Variants in KCND2 observed in about 807,000 individuals in gnomAD.
KCND2 encodes A-type voltage-gated potassium channel KCND2.
A neutral mutation model predicts 54.4 loss-of-function variants in KCND2; 16 were observed. The observed-to-expected ratio is 0.29, with a 90% CI of 0.20 to 0.45. The LOEUF is 0.45. Ranked by LOEUF, KCND2 falls within the 20% of genes least tolerant of loss-of-function variation. The pLI, the probability that KCND2 is intolerant of heterozygous loss-of-function variation, is 1.00. For synonymous variants in KCND2, 317 were observed against 310.7 expected (o/e 1.02, Z -0.21); for missense variants, 486 against 824.2 (o/e 0.59, Z 5.02).
intron 1 of KCND2, among the ~76,000 whole-genome samples, chr7:120,390,816 T>G (rs192923188): frequency 8.0e-4 from 122 of 152,216 alleles, no homozygotes; most frequent in Non-Finnish European, 1.3e-3. Flanking sequence ...AAGATATGTT[T>G]CTTCCCTATG....
intron 1 of KCND2, among the ~76,000 whole-genome samples, chr7:120,430,257 G>A (rs968582098): frequency 3.3e-5 from 5 of 151,966 alleles, no homozygotes; most frequent in African/African-American, 7.3e-5. Context: ...TTTTCTCTTC[G>A]TGTGCCTCCC....
intron 1 of KCND2, among the ~76,000 whole-genome samples, chr7:120,536,485 AT>A (rs1397086389): frequency 6.6e-6 from 1 of 152,192 alleles, no homozygotes; most frequent in Non-Finnish European, 1.5e-5. Context: ...GTTTGATAGT[AT>A]TTTACCAAGA....
intron 1 of KCND2, among the ~76,000 whole-genome samples, chr7:120,448,369 T>G (rs1351971754): frequency 2.6e-5 from 4 of 152,226 alleles, no homozygotes; most frequent in African/African-American, 9.7e-5. Flanking sequence ...TCATCCTTTT[T>G]TATGGCTGCA....
intron 1 of KCND2, among the ~76,000 whole-genome samples, chr7:120,568,095 TTAAA>T (rs1049145300): frequency 3.9e-5 from 6 of 152,172 alleles, no homozygotes; most frequent in African/African-American, 7.2e-5. Flanking sequence ...TCAAGAACAC[TTAAA>T]TAAGCCTTTT....
intron 1 of KCND2, among the ~76,000 whole-genome samples, chr7:120,489,382 A>AT (rs553858891): frequency 6.7e-6 from 1 of 149,086 alleles, no homozygotes; most frequent in Admixed American, 6.7e-5. Flanking sequence ...TAGAAAATAT[A>AT]TTTTTTGATT....
intron 1 of KCND2, among the ~76,000 whole-genome samples, chr7:120,546,345 G>C (rs1035475042): frequency 6.6e-6 from 1 of 151,862 alleles, no homozygotes; most frequent in African/African-American, 2.4e-5. Flanking sequence ...TTGAATTTCA[G>C]CAAAGGGATC....
chr7:120,491,286 A>G (rs185104195), intron 1 of KCND2, among the ~76,000 whole-genome samples: 1 of 152,268 alleles, frequency 6.6e-6, no homozygotes. Flanking sequence ...ATTTAAGTGT[A>G]TTAATTAATT....
At chr7:120,710,487 T>G (rs1792524014) in intron 1 of KCND2, among the ~76,000 whole-genome samples, 1 of 152,158 alleles carries the variant, frequency 6.6e-6, no homozygotes, top group African/African-American at 2.4e-5. Flanking sequence ...TCAGCCTGTT[T>G]TGAAGAATGA....
intron 1 of KCND2, among the ~76,000 whole-genome samples, chr7:120,614,458 A>G (rs946425680): frequency 3.3e-5 from 5 of 152,222 alleles, no homozygotes; most frequent in Non-Finnish European, 7.4e-5. Context: ...TGGAACTGAA[A>G]ATCCACCTCA....
At chr7:120,491,478 G>A (rs967391385) in intron 1 of KCND2, among the ~76,000 whole-genome samples, 2 of 152,012 alleles carry the variant, frequency 1.3e-5, no homozygotes, top group Non-Finnish European at 2.9e-5. Flanking sequence ...ATGCATAATC[G>A]AAAGGTAATT....
chr7:120,654,433 A>C (rs1045949277), intron 1 of KCND2, among the ~76,000 whole-genome samples: 4 of 152,200 alleles, frequency 2.6e-5, no homozygotes, highest in Non-Finnish European at 5.9e-5. Context: ...AATCACAATT[A>C]ATTATTTACA....
At chr7:120,355,827 T>C (rs1800496065) in intron 1 of KCND2, among the ~76,000 whole-genome samples, 1 of 152,212 alleles carries the variant, frequency 6.6e-6, no homozygotes, top group African/African-American at 2.4e-5. Flanking sequence ...CATGTCGTCA[T>C]CGAAATTTGT....
chr7:120,619,316 G>T (rs1369301094), intron 1 of KCND2, among the ~76,000 whole-genome samples: 2 of 152,158 alleles, frequency 1.3e-5, no homozygotes, highest in Non-Finnish European at 1.5e-5. Context: ...TGTAGTCCTA[G>T]CTACTCAGGA....
At chr7:120,545,733 A>G (rs1021406475) in intron 1 of KCND2, among the ~76,000 whole-genome samples, 21 of 151,982 alleles carry the variant, frequency 1.4e-4, no homozygotes, top group African/African-American at 4.8e-4. Flanking sequence ...AACAAGCATA[A>G]CTTTAGAAAA....
chr7:120,644,616 A>G (rs1320822573), intron 1 of KCND2, among the ~76,000 whole-genome samples: 5 of 152,228 alleles, frequency 3.3e-5, no homozygotes, highest in Non-Finnish European at 7.3e-5. Context: ...CCTGGGCAGA[A>G]ATTGATGTCA....
intron 4 of KCND2, among the ~76,000 whole-genome samples, chr7:120,743,705 T>A (rs1263093958): frequency 6.6e-6 from 1 of 152,084 alleles, no homozygotes; most frequent in Non-Finnish European, 1.5e-5. Flanking sequence ...AGGAAAGAAC[T>A]CAGCCTAGGA....
chr7:120,542,434 T>C (rs1188803953), intron 1 of KCND2, among the ~76,000 whole-genome samples: 1 of 152,156 alleles, frequency 6.6e-6, no homozygotes, highest in Non-Finnish European at 1.5e-5. Context: ...TCCAAGTGTA[T>C]AAGTTTTCAA....
At chr7:120,309,548 C>T (rs1173209385) in intron 1 of KCND2, among the ~76,000 whole-genome samples, 2 of 143,734 alleles carry the variant, frequency 1.4e-5, no homozygotes, top group East Asian at 7.4e-4. Context: ...ACACCCCCCA[C>T]AGACACACAC....
At chr7:120,491,768 G>T (rs893869394) in intron 1 of KCND2, among the ~76,000 whole-genome samples, 1 of 151,656 alleles carries the variant, frequency 6.6e-6, no homozygotes, top group African/African-American at 2.4e-5. Flanking sequence ...AATTTTAGAG[G>T]CGATTATGGG....
Sources: gnomAD v4.1 joint callset for allele counts (sites outside exome capture counted in the v4.1 genomes callset) on GRCh38, gnomAD v4.1.1 for gene constraint, MANE v1.5 for transcripts, NCBI Gene and HGNC (gene_info 2026-07-23, HGNC 2026-07-21) for gene names.